RIMS1: variants seen among roughly 807,000 people sequenced by gnomAD.
RIMS1 encodes regulating synaptic membrane exocytosis protein 1.
A neutral mutation model predicts 214.1 loss-of-function variants in RIMS1; 83 were observed. The ratio of observed to expected loss-of-function variants is 0.39; its 90% CI spans 0.32 to 0.47. The LOEUF is 0.47. RIMS1 is among the 20% of genes least tolerant of loss of function. The pLI is 0.99. For synonymous variants in RIMS1, 793 were observed against 786.8 expected (o/e 1.01, Z -0.13); for missense variants, 2,050 against 2,161.8 (o/e 0.95, Z 1.03).
At chr6:72,242,944 C>G (rs1458494396) in intron 10 of RIMS1, among the ~76,000 whole-genome samples, 1 of 151,652 alleles carries the variant, frequency 6.6e-6, no homozygotes, top group African/African-American at 2.4e-5. Context: ...AATATTTTAA[C>G]ATTTTAATTG....
chr6:72,106,141 G>A (rs890376817), intron 4 of RIMS1, among the ~76,000 whole-genome samples: 4 of 152,010 alleles, frequency 2.6e-5, no homozygotes, highest in African/African-American at 9.7e-5. Flanking sequence ...ATGTATATAT[G>A]CAATAGTTTT....
intron 6 of RIMS1, among the ~76,000 whole-genome samples, chr6:72,223,693 A>T (rs2059251746): frequency 6.6e-6 from 1 of 152,106 alleles, no homozygotes; most frequent in African/African-American, 2.4e-5. Flanking sequence ...CACACCTGTA[A>T]TCCCAGCACT....
chr6:71,954,707 T>A (rs1790651364), intron 1 of RIMS1, among the ~76,000 whole-genome samples: 1 of 151,574 alleles, frequency 6.6e-6, no homozygotes, highest in Non-Finnish European at 1.5e-5. Context: ...TTTTTTTTTT[T>A]ACTTCTTTAT....
At chr6:71,887,684 AT>A (rs1340302959) in intron 1 of RIMS1, among the ~76,000 whole-genome samples, 1 of 152,088 alleles carries the variant, frequency 6.6e-6, no homozygotes, top group Non-Finnish European at 1.5e-5. Context: ...AAAAATGCTT[AT>A]TTTTAGTGTT....
intron 29 of RIMS1, chr6:72,366,886 A>G (rs1435564092): frequency 2.1e-6 from 2 of 975,552 alleles, no homozygotes; most frequent in Non-Finnish European, 2.4e-6. Flanking sequence ...TGTTCCTTAT[A>G]TGTATTTACT....
intron 22 of RIMS1, among the ~76,000 whole-genome samples, chr6:72,266,684 C>G (rs558129600): frequency 6.6e-6 from 1 of 152,080 alleles, no homozygotes; most frequent in South Asian, 2.1e-4. Context: ...TTAATAAATT[C>G]TGATATATTC....
In RIMS1 at chr6:72,009,704, G is replaced by A. The variant is rs571104548; in HGVS notation, c.245+40641G>A. On this transcript the variant is annotated intron_variant, in intron 2 of 33. Coordinates refer to ENST00000521978, the MANE Select transcript of RIMS1 (RefSeq NM_014989.7). ...CAGAGAATACTATAAACACCACTAC[G>A]CAAATAAACTAGAAAATCTAGAAGA... Among the ~76,000 whole-genome samples the A allele has an allele frequency of 3.2e-4, 48 of 152,208 alleles. No individual in the cohort carries two copies. In the South Asian group the frequency reaches 7.5e-3, roughly 24 times the overall value.
chr6:72,002,874 A>G (rs1334953547), intron 2 of RIMS1, among the ~76,000 whole-genome samples: 1 of 152,194 alleles, frequency 6.6e-6, no homozygotes, highest in African/African-American at 2.4e-5. Flanking sequence ...GAAATCCCAT[A>G]AAGGAATAAA....
At chr6:72,324,699 A>G (rs1200101162) in intron 28 of RIMS1, among the ~76,000 whole-genome samples, 2 of 151,984 alleles carry the variant, frequency 1.3e-5, no homozygotes, top group African/African-American at 4.8e-5. Flanking sequence ...TTTTCAATTC[A>G]GATCACAGTG....
At chr6:71,942,658 C>A (rs925687146) in intron 1 of RIMS1, among the ~76,000 whole-genome samples, 6 of 151,844 alleles carry the variant, frequency 4.0e-5, no homozygotes, top group African/African-American at 1.4e-4. Flanking sequence ...AATGTATAAC[C>A]TGTTACTATA....
intron 2 of RIMS1, among the ~76,000 whole-genome samples, chr6:72,095,014 C>A (rs1013834150): frequency 6.6e-6 from 1 of 151,180 alleles, no homozygotes; most frequent in East Asian, 1.9e-4. Flanking sequence ...TGCAGTGGTG[C>A]GATCTCAGCT....
At chr6:72,306,937 A>G (rs1269610925) in intron 26 of RIMS1, among the ~76,000 whole-genome samples, 1 of 152,212 alleles carries the variant, frequency 6.6e-6, no homozygotes. Flanking sequence ...GTTTAAATTG[A>G]AAACATTCTT....
intron 4 of RIMS1, among the ~76,000 whole-genome samples, chr6:72,157,191 G>A (rs1375935413): frequency 7.1e-6 from 1 of 140,352 alleles, no homozygotes; most frequent in African/African-American, 2.5e-5. Context: ...AACCTTTTCG[G>A]GATTTATGTG....
chr6:72,121,545 A>T (rs1156535748), intron 4 of RIMS1, among the ~76,000 whole-genome samples: 1 of 151,792 alleles, frequency 6.6e-6, no homozygotes, highest in Non-Finnish European at 1.5e-5. Context: ...GCTTAAGGAG[A>T]TTAGGGGCTG....
At chr6:72,172,906 A>C (rs903419551) in intron 4 of RIMS1, among the ~76,000 whole-genome samples, 6 of 152,038 alleles carry the variant, frequency 3.9e-5, no homozygotes, top group Non-Finnish European at 8.8e-5. Context: ...ATTTCTCTCT[A>C]GGGTTTCAAA....
intron 6 of RIMS1, among the ~76,000 whole-genome samples, chr6:72,202,831 T>TA (rs2052244643): frequency 1.4e-5 from 1 of 72,540 alleles, no homozygotes; most frequent in African/African-American, 7.2e-5. Context: ...ACATGTTACT[T>TA]AACCCCTAAG....
At chr6:72,286,729 GAC>G (rs200888059) in intron 24 of RIMS1, among the ~76,000 whole-genome samples, 2,625 of 152,180 alleles carry the variant, frequency 0.017, 68 homozygotes, top group African/African-American at 0.059. Context: ...GTGAACCGAA[GAC>G]ACAGTATAAA....
chr6:72,130,317 G>A (rs1011078843), intron 4 of RIMS1, among the ~76,000 whole-genome samples: 6 of 151,814 alleles, frequency 4.0e-5, no homozygotes, highest in South Asian at 2.1e-4. Flanking sequence ...TTGTATACTC[G>A]CCTTACTTTT....
At chr6:72,152,802 T>TATATATGGA (rs996984774) in intron 4 of RIMS1, among the ~76,000 whole-genome samples, 2 of 84,468 alleles carry the variant, frequency 2.4e-5, no homozygotes, top group African/African-American at 1.2e-4. Flanking sequence ...AATATATGTA[T>TATATATGGA]ATATATGTAT....
Sources: gnomAD v4.1 joint callset for allele counts (sites outside exome capture counted in the v4.1 genomes callset) on GRCh38, gnomAD v4.1.1 for gene constraint, MANE v1.5 for transcripts, NCBI Gene and HGNC (gene_info 2026-07-23, HGNC 2026-07-21) for gene names.